GRID2: variants seen among roughly 807,000 people sequenced by gnomAD.
GRID2 encodes the protein glutamate ionotropic receptor delta type subunit 2, also known as glutamate receptor ionotropic, delta-2.
In GRID2, 33 loss-of-function variants were observed where a neutral mutation model predicts 114.8. The ratio of observed to expected loss-of-function variants is 0.29; its 90% CI spans 0.22 to 0.38. The LOEUF (loss-of-function observed/expected upper bound fraction) is 0.38. GRID2 is among the 10% of genes least tolerant of loss of function. The pLI is 1.00. For synonymous variants in GRID2, 505 were observed against 449.9 expected, an observed-to-expected ratio of 1.12 and a Z score of -1.55; for missense variants, 1,184 against 1,257.7, an observed-to-expected ratio of 0.94 and a Z score of 0.89.
intron 2 of GRID2, chr4:92,885,129 G>T: frequency 3.3e-6 from 1 of 302,564 alleles, no homozygotes; most frequent in Non-Finnish European, 6.4e-6. Flanking sequence ...TAAACTTGAT[G>T]GTTTTGCCTC....
At chr4:93,222,301 G>T (rs1347060781) in intron 6 of GRID2, among the ~76,000 whole-genome samples, 1 of 152,026 alleles carries the variant, frequency 6.6e-6, no homozygotes, top group Non-Finnish European at 1.5e-5. Flanking sequence ...GAAAAGAGGT[G>T]CTCAACCTTG....
chr4:93,748,284 C>A (rs1354486806), intron 14 of GRID2, among the ~76,000 whole-genome samples: 1 of 151,970 alleles, frequency 6.6e-6, no homozygotes, highest in African/African-American at 2.4e-5. Flanking sequence ...TATATATGAT[C>A]CATCTGAATT....
chr4:93,336,368 A>C (rs1759089519), intron 8 of GRID2, among the ~76,000 whole-genome samples: 1 of 152,086 alleles, frequency 6.6e-6, no homozygotes, highest in African/African-American at 2.4e-5. Flanking sequence ...GCTCTATTTC[A>C]GTCATGTTTA....
chr4:93,455,998 G>T, intron 11 of GRID2, 24 bp downstream of exon 11: 6 of 1,350,532 alleles, frequency 4.4e-6, no homozygotes, highest in South Asian at 1.2e-5. Flanking sequence ...GTACATTCTA[G>T]TATTTAAAAA....
intron 2 of GRID2, among the ~76,000 whole-genome samples, chr4:93,033,159 G>A (rs1724591935): frequency 6.6e-6 from 1 of 152,144 alleles, no homozygotes; most frequent in Non-Finnish European, 1.5e-5. Flanking sequence ...AATCTGTGAA[G>A]TTAGAGGGAG....
At chr4:92,336,359 A>G (rs928938756) in intron 1 of GRID2, among the ~76,000 whole-genome samples, 5 of 152,224 alleles carry the variant, frequency 3.3e-5, no homozygotes, top group African/African-American at 1.2e-4. Context: ...CCAACCTCCT[A>G]ACCAATTAAA....
intron 13 of GRID2, among the ~76,000 whole-genome samples, chr4:93,594,239 A>C (rs1338243669): frequency 6.6e-6 from 1 of 151,854 alleles, no homozygotes; most frequent in Non-Finnish European, 1.5e-5. Context: ...TTTGGTGTGG[A>C]TGTCCTTTCT....
intron 8 of GRID2, among the ~76,000 whole-genome samples, chr4:93,349,450 T>C (rs1462157719): frequency 1.3e-5 from 2 of 152,062 alleles, no homozygotes; most frequent in Admixed American, 6.6e-5. Context: ...ATTTCTTTTT[T>C]CTCTCTCATT....
At position 93,592,468 on chromosome 4, in the gene GRID2, T is replaced by C. The variant is rs186179661; in HGVS notation, c.2194-33801T>C. On this transcript the variant is annotated intron_variant, in intron 13 of 15. Transcript: ENST00000282020. Reference sequence around the variant, plus strand: ...CTTTTACATTTGCTGAGGAGTGCTTTACTTCCAAGTATGTGGTCAATTTTG... The same window carrying C: ...CTTTTACATTTGCTGAGGAGTGCTTCACTTCCAAGTATGTGGTCAATTTTG... Among the ~76,000 whole-genome samples, 173 of 152,326 alleles carry C rather than the reference T, an allele frequency of 1.1e-3. 1 individual carries two copies. The highest frequency in any genetic ancestry group is 4.0e-3 in the African/African-American group (167 of 41,584).
At chr4:92,444,627 G>A (rs1301026828) in intron 1 of GRID2, among the ~76,000 whole-genome samples, 2 of 152,134 alleles carry the variant, frequency 1.3e-5, no homozygotes, top group Non-Finnish European at 2.9e-5. Context: ...GGGTTGCAAT[G>A]GCTTGGCTTG....
At chr4:92,474,233 T>A (rs370935491) in intron 1 of GRID2, among the ~76,000 whole-genome samples, 15 of 152,044 alleles carry the variant, frequency 9.9e-5, no homozygotes, top group African/African-American at 3.6e-4. Context: ...GAATTTGGAT[T>A]TTTTAGATTG....
At chr4:93,662,764 G>A (rs551576526) in intron 14 of GRID2, among the ~76,000 whole-genome samples, 1 of 152,274 alleles carries the variant, frequency 6.6e-6, no homozygotes, top group East Asian at 1.9e-4. Flanking sequence ...TCAGAAAAAT[G>A]TTGTCTCTGT....
intron 8 of GRID2, among the ~76,000 whole-genome samples, chr4:93,323,822 G>A (rs569536831): frequency 6.6e-6 from 1 of 152,266 alleles, no homozygotes; most frequent in South Asian, 2.1e-4. Flanking sequence ...GTGAAAGGGA[G>A]TTCACTCATG....
At chr4:93,647,963 G>A (rs9993464) in intron 14 of GRID2, among the ~76,000 whole-genome samples, 41,666 of 152,000 alleles carry the variant, frequency 0.27, 7,992 homozygotes, top group African/African-American at 0.55. Flanking sequence ...TGCTATTATC[G>A]TTTCATTTTA....
chr4:92,821,689 C>G (rs1242652476), intron 2 of GRID2, among the ~76,000 whole-genome samples: 1 of 152,076 alleles, frequency 6.6e-6, no homozygotes, highest in Non-Finnish European at 1.5e-5. Flanking sequence ...TAGCCCACCC[C>G]CTCAATAAGG....
chr4:92,857,777 A>T (rs1353848291), intron 2 of GRID2, among the ~76,000 whole-genome samples: 1 of 152,212 alleles, frequency 6.6e-6, no homozygotes, highest in African/African-American at 2.4e-5. Flanking sequence ...TAGATAGGAC[A>T]GCCTGATATT....
At chr4:92,901,770 G>A (rs911350511) in intron 2 of GRID2, among the ~76,000 whole-genome samples, 3 of 151,846 alleles carry the variant, frequency 2.0e-5, no homozygotes, top group African/African-American at 4.8e-5. Context: ...ACAGTGTTTT[G>A]TTGAGGATAT....
rs113625752 is a variant in GRID2, at chr4:92,478,272, A to G, written c.89-111859A>G. On this transcript the variant is annotated intron_variant, in intron 1 of 15. Transcript: ENST00000282020. ...TTACTTTAAAGTATAGCACCATGAA[A>G]TCTTCTTAGTCTGATTGTTTGGAAG... Among the ~76,000 whole-genome samples the G allele has an allele frequency of 9.6e-3, 1,468 of 152,180 alleles. 25 individuals are homozygous for G. Among genetic ancestry groups the G allele is most frequent in the Middle Eastern group, 0.027 (8 of 294 alleles).
intron 1 of GRID2, among the ~76,000 whole-genome samples, chr4:92,415,165 G>T (rs1731534919): frequency 6.6e-6 from 1 of 151,762 alleles, no homozygotes. Flanking sequence ...AATAATTACT[G>T]ATATATCTTA....
Sources: gnomAD v4.1 joint callset for allele counts (sites outside exome capture counted in the v4.1 genomes callset) on GRCh38, gnomAD v4.1.1 for gene constraint, MANE v1.5 for transcripts, NCBI Gene and HGNC (gene_info 2026-07-23, HGNC 2026-07-21) for gene names.